SLC24A2: variants seen among roughly 807,000 people sequenced by gnomAD.
The protein encoded by SLC24A2 is sodium/potassium/calcium exchanger 2.
In SLC24A2, 36 loss-of-function variants were observed where a neutral mutation model predicts 62.0. That is an observed-to-expected ratio of 0.58 (90% CI 0.44 to 0.77). SLC24A2 has a LOEUF of 0.77. SLC24A2 is among the 30% of genes least tolerant of loss of function. The pLI is 0.00. For synonymous variants in SLC24A2, 358 were observed against 294.0 expected, an observed-to-expected ratio of 1.22 and a Z score of -2.23; for missense variants, 846 against 817.9, an observed-to-expected ratio of 1.03 and a Z score of -0.42.
chr9:20,165,883 A>G, the SLC24A2 span, among the ~76,000 whole-genome samples: 1 of 152,074 alleles, frequency 6.6e-6, no homozygotes. Flanking sequence ...TGCAATATGT[A>G]TCACAGAAAA....
At chr9:19,625,622 G>A (rs951879815) in intron 2 of SLC24A2, among the ~76,000 whole-genome samples, 1 of 151,964 alleles carries the variant, frequency 6.6e-6, no homozygotes, top group African/African-American at 2.4e-5. Context: ...CTTAAATTGA[G>A]CAACTGGAAG....
the SLC24A2 span, among the ~76,000 whole-genome samples, chr9:20,241,671 A>G: frequency 2.4e-3 from 359 of 152,240 alleles, 4 homozygotes; most frequent in African/African-American, 8.4e-3. Context: ...ATAAATTGCC[A>G]TCTGTCCTAG....
At chr9:20,014,495 GATATAT>G in the SLC24A2 span, among the ~76,000 whole-genome samples, 3 of 140,702 alleles carry the variant, frequency 2.1e-5, no homozygotes, top group African/African-American at 2.6e-5. Context: ...AGAAAAATGT[GATATAT>G]ATATATATAT....
chr9:20,289,842 T>C, the SLC24A2 span, among the ~76,000 whole-genome samples: 23,027 of 152,212 alleles, frequency 0.15, 2,277 homozygotes, highest in East Asian at 0.27. Flanking sequence ...ATGGAAACTG[T>C]GTACTGGGTT....
the SLC24A2 span, among the ~76,000 whole-genome samples, chr9:20,109,348 A>C: frequency 6.6e-6 from 1 of 152,198 alleles, no homozygotes; most frequent in Non-Finnish European, 1.5e-5. Flanking sequence ...CTTGCAAGCT[A>C]AGCCCCTGGC....
chr9:20,029,126 G>A, the SLC24A2 span, among the ~76,000 whole-genome samples: 1 of 152,252 alleles, frequency 6.6e-6, no homozygotes, highest in South Asian at 2.1e-4. Flanking sequence ...GTGCAACTGT[G>A]ACCACAGCTA....
intron 2 of SLC24A2, among the ~76,000 whole-genome samples, chr9:19,745,630 G>T (rs1021971451): frequency 6.6e-6 from 1 of 152,158 alleles, no homozygotes; most frequent in African/African-American, 2.4e-5. Context: ...TGTACCTGTT[G>T]CCAGAGAGCA....
chr9:20,071,969 T>A, the SLC24A2 span, among the ~76,000 whole-genome samples: 9 of 152,000 alleles, frequency 5.9e-5, no homozygotes, highest in Non-Finnish European at 1.2e-4. Context: ...GATGAAGAGA[T>A]ACAGACGGCA....
At chr9:19,551,466 C>G (rs1157786743) in intron 7 of SLC24A2, among the ~76,000 whole-genome samples, 2 of 152,168 alleles carry the variant, frequency 1.3e-5, no homozygotes, top group East Asian at 1.9e-4. Context: ...CTCAATACTT[C>G]CAAAACAGCA....
intron 8 of SLC24A2, among the ~76,000 whole-genome samples, chr9:19,532,771 T>C (rs1833770269): frequency 1.3e-5 from 2 of 152,206 alleles, no homozygotes; most frequent in Non-Finnish European, 2.9e-5. Context: ...AGACACTGAA[T>C]AGATACTTGA....
chr9:19,981,112 A>C, the SLC24A2 span, among the ~76,000 whole-genome samples: 1 of 152,270 alleles, frequency 6.6e-6, no homozygotes, highest in Non-Finnish European at 1.5e-5. Context: ...TAAAACTTAC[A>C]AATAAAGAAT....
intron 2 of SLC24A2, among the ~76,000 whole-genome samples, chr9:19,781,410 A>C (rs1249950884): frequency 6.6e-6 from 1 of 152,186 alleles, no homozygotes; most frequent in Non-Finnish European, 1.5e-5. Context: ...TGGTGACTCC[A>C]GTTCTCTAGG....
chr9:20,126,831 T>A, the SLC24A2 span, among the ~76,000 whole-genome samples: 1 of 152,020 alleles, frequency 6.6e-6, no homozygotes, highest in African/African-American at 2.4e-5. Context: ...AGGGGGAGAA[T>A]GTAGTGCCAG....
the SLC24A2 span, among the ~76,000 whole-genome samples, chr9:20,291,920 G>A: frequency 6.6e-6 from 1 of 152,246 alleles, no homozygotes; most frequent in South Asian, 2.1e-4. Flanking sequence ...CTCTGGGTGG[G>A]GAAAATGGAG....
At chr9:19,689,683 G>C (rs539228941) in intron 2 of SLC24A2, among the ~76,000 whole-genome samples, 5 of 152,184 alleles carry the variant, frequency 3.3e-5, no homozygotes, top group Non-Finnish European at 7.4e-5. Context: ...CCCTCACCTG[G>C]ATCTGATATT....
chr9:19,761,840 C>T (rs1472545672), intron 2 of SLC24A2, among the ~76,000 whole-genome samples: 2 of 152,120 alleles, frequency 1.3e-5, no homozygotes, highest in East Asian at 1.9e-4. Context: ...CATAGTATTC[C>T]GTGGTGTATA....
chr9:20,087,686 G>C, the SLC24A2 span, among the ~76,000 whole-genome samples: 1 of 152,170 alleles, frequency 6.6e-6, no homozygotes, highest in Non-Finnish European at 1.5e-5. Flanking sequence ...AGATGTGTTG[G>C]AGGCTGGCCA....
intron 2 of SLC24A2, among the ~76,000 whole-genome samples, chr9:19,712,583 C>T (rs1202353262): frequency 1.3e-5 from 2 of 152,134 alleles, no homozygotes; most frequent in Non-Finnish European, 2.9e-5. Context: ...CCCTATGTGA[C>T]CTGGCCCTGA....
At chr9:20,063,192 C>T in the SLC24A2 span, among the ~76,000 whole-genome samples, 22 of 150,440 alleles carry the variant, frequency 1.5e-4, no homozygotes, top group African/African-American at 2.5e-4. Context: ...CACATGCACA[C>T]GTATGTTTAT....
Sources: gnomAD v4.1 joint callset for allele counts (sites outside exome capture counted in the v4.1 genomes callset) on GRCh38, gnomAD v4.1.1 for gene constraint, MANE v1.5 for transcripts, NCBI Gene and HGNC (gene_info 2026-07-23, HGNC 2026-07-21) for gene names.